Variants in CNTNAP2 observed in about 807,000 individuals in gnomAD.
The protein encoded by CNTNAP2 is contactin associated protein 2.
CNTNAP2 carries 98 observed loss-of-function variants against 155.2 expected under a neutral mutation model. The ratio of observed to expected loss-of-function variants is 0.63; its 90% CI spans 0.54 to 0.75. CNTNAP2 has a LOEUF of 0.75. Ranked by LOEUF, CNTNAP2 falls within the 30% of genes least tolerant of loss-of-function variation. The pLI, the probability that CNTNAP2 is intolerant of heterozygous loss-of-function variation, is 0.00. For synonymous variants in CNTNAP2, 651 were observed against 631.2 expected (o/e 1.03, Z -0.47); for missense variants, 1,727 against 1,688.1 (o/e 1.02, Z -0.40).
chr7:146,328,633 C>A (rs1403932587), intron 1 of CNTNAP2, among the ~76,000 whole-genome samples: 1 of 152,096 alleles, frequency 6.6e-6, no homozygotes, highest in Non-Finnish European at 1.5e-5. Flanking sequence ...TATAGGTCCT[C>A]AGAACTTGTT....
chr7:146,246,646 T>G (rs1010494810), intron 1 of CNTNAP2, among the ~76,000 whole-genome samples: 5 of 151,556 alleles, frequency 3.3e-5, no homozygotes, highest in Admixed American at 6.5e-5. Flanking sequence ...AGCATCAGTC[T>G]TCAGCCGCTA....
intron 4 of CNTNAP2, among the ~76,000 whole-genome samples, chr7:147,097,250 G>A (rs1800555770): frequency 1.3e-5 from 2 of 152,172 alleles, no homozygotes; most frequent in South Asian, 4.1e-4. Context: ...GTTGATGGAT[G>A]TATAGCGTTC....
intron 9 of CNTNAP2, among the ~76,000 whole-genome samples, chr7:147,311,998 T>A (rs1345629984): frequency 6.6e-6 from 1 of 152,106 alleles, no homozygotes; most frequent in Non-Finnish European, 1.5e-5. Flanking sequence ...GTCTCTCTTT[T>A]AACTAAAAAG....
At chr7:146,384,521 A>G (rs904120802) in intron 1 of CNTNAP2, among the ~76,000 whole-genome samples, 5 of 152,212 alleles carry the variant, frequency 3.3e-5, no homozygotes, top group Non-Finnish European at 5.9e-5. Flanking sequence ...TTGAGCTACC[A>G]TATCCTCTGT....
At chr7:146,871,639 A>G (rs1795310322) in intron 3 of CNTNAP2, among the ~76,000 whole-genome samples, 1 of 152,102 alleles carries the variant, frequency 6.6e-6, no homozygotes, top group Non-Finnish European at 1.5e-5. Flanking sequence ...AACAAAAATT[A>G]CTATATTTAA....
chr7:146,504,463 C>T lies in CNTNAP2; in HGVS notation c.98-269808C>T, dbSNP rs571383975. 2.0e-5 allele frequency among the ~76,000 whole-genome samples: 3 copies of T among 152,296 alleles called. No individual in the cohort carries two copies. In the East Asian group the frequency reaches 5.8e-4, roughly 29 times the overall value. ...ATTCCCAAAACAGCACAGATGCCAC[C>T]TTGGGCAGCAATCAATATGTAGGCC... On this transcript the variant is annotated intron_variant, in intron 1 of 23. Coordinates refer to ENST00000361727, the MANE Select transcript of CNTNAP2 (RefSeq NM_014141.6).
chr7:146,852,060 C>T (rs1451291670), intron 3 of CNTNAP2, among the ~76,000 whole-genome samples: 3 of 151,954 alleles, frequency 2.0e-5, no homozygotes, highest in African/African-American at 7.3e-5. Context: ...CTGGTATGAC[C>T]TCATATTAAC....
At chr7:146,668,330 G>T (rs954205245) in intron 1 of CNTNAP2, among the ~76,000 whole-genome samples, 4 of 151,806 alleles carry the variant, frequency 2.6e-5, no homozygotes, top group Non-Finnish European at 4.4e-5. Flanking sequence ...ACTTGATTAT[G>T]TTGTATTATC....
chr7:147,891,002 G>C (rs968308595), intron 13 of CNTNAP2, among the ~76,000 whole-genome samples: 1 of 152,172 alleles, frequency 6.6e-6, no homozygotes, highest in African/African-American at 2.4e-5. Flanking sequence ...CCATTTCACA[G>C]TGCATACATA....
At chr7:146,330,780 T>A (rs1433438353) in intron 1 of CNTNAP2, among the ~76,000 whole-genome samples, 1 of 152,012 alleles carries the variant, frequency 6.6e-6, no homozygotes. Context: ...TGGGGGGAAA[T>A]GTTAAAGGCA....
intron 8 of CNTNAP2, among the ~76,000 whole-genome samples, chr7:147,135,743 A>G (rs1039236189): frequency 6.6e-6 from 1 of 151,462 alleles, no homozygotes; most frequent in African/African-American, 2.4e-5. Flanking sequence ...TAGATGCACT[A>G]TGATAAGTGT....
At chr7:146,255,505 C>G (rs943829553) in intron 1 of CNTNAP2, among the ~76,000 whole-genome samples, 5 of 152,094 alleles carry the variant, frequency 3.3e-5, no homozygotes, top group Non-Finnish European at 7.4e-5. Context: ...CTTTGGCTTT[C>G]CTTCAGTAAA....
intron 1 of CNTNAP2, among the ~76,000 whole-genome samples, chr7:146,190,760 C>T (rs1425044869): frequency 6.6e-6 from 1 of 152,058 alleles, no homozygotes; most frequent in Non-Finnish European, 1.5e-5. Flanking sequence ...TTGCTCACAG[C>T]ACCAATAGTG....
At chr7:146,332,865 A>C (rs1348017176) in intron 1 of CNTNAP2, among the ~76,000 whole-genome samples, 1 of 151,588 alleles carries the variant, frequency 6.6e-6, no homozygotes, top group Admixed American at 6.6e-5. Context: ...CAAATTTACT[A>C]TGAGGGGTAA....
chr7:147,108,101 T>C (rs777386257), intron 4 of CNTNAP2, 46 bp from the exon 5 acceptor site: 1 of 1,552,484 alleles, frequency 6.4e-7, no homozygotes, highest in Non-Finnish European at 8.9e-7. Flanking sequence ...AAGTGGATGG[T>C]AACATACATG....
At chr7:147,172,810 C>T (rs1165782178) in intron 8 of CNTNAP2, among the ~76,000 whole-genome samples, 2 of 152,128 alleles carry the variant, frequency 1.3e-5, no homozygotes, top group Non-Finnish European at 1.5e-5. Flanking sequence ...TGCACGAGTT[C>T]CTTGCAGGAG....
intron 1 of CNTNAP2, among the ~76,000 whole-genome samples, chr7:146,416,239 G>A (rs1435957414): frequency 2.0e-5 from 3 of 150,646 alleles, no homozygotes; most frequent in African/African-American, 7.3e-5. Flanking sequence ...AACACTAAAT[G>A]TTAAATATAT....
At chr7:147,114,589 T>C (rs1412585800) in intron 5 of CNTNAP2, among the ~76,000 whole-genome samples, 1 of 152,200 alleles carries the variant, frequency 6.6e-6, no homozygotes, top group Non-Finnish European at 1.5e-5. Flanking sequence ...TTTTTTGATC[T>C]TTGGTGGGTT....
chr7:147,952,949 C>T (rs371618238), intron 14 of CNTNAP2, among the ~76,000 whole-genome samples: 15 of 152,200 alleles, frequency 9.9e-5, no homozygotes, highest in East Asian at 3.9e-4. Flanking sequence ...ACCTGAGAAA[C>T]GTAGAGATTT....
Sources: allele counts gnomAD v4.1 joint callset (sites outside exome capture counted in the v4.1 genomes callset), GRCh38; gene constraint gnomAD v4.1.1; transcripts MANE v1.5; gene names NCBI Gene and HGNC (gene_info 2026-07-23, HGNC 2026-07-21).